Variants in HAS1 observed in about 807,000 individuals in gnomAD.
The protein encoded by HAS1 is HA synthase 1.
In HAS1, 27 loss-of-function variants were observed where a neutral mutation model predicts 35.0. The ratio of observed to expected loss-of-function variants is 0.77; its 90% CI spans 0.57 to 1.06. The LOEUF (loss-of-function observed/expected upper bound fraction) is 1.06, where lower values mean the gene tolerates loss of function less well. HAS1 is among the 50% of genes least tolerant of loss of function. The pLI is 0.00. For missense variants in HAS1, 940 were observed against 814.8 expected, an observed-to-expected ratio of 1.15 and a Z score of -1.87; for synonymous variants, 409 against 371.2, an observed-to-expected ratio of 1.10 and a Z score of -1.17.
At position 51,719,317 on chromosome 19, in the gene HAS1, C is replaced by A; in HGVS notation, c.588G>T (p.Glu196Asp). 2 of 1,612,732 alleles carry A rather than the reference C, an allele frequency of 1.2e-6. No homozygotes were observed. The highest frequency in any genetic ancestry group is 1.7e-6 in the Non-Finnish European group (2 of 1,179,464). ...EAEDPGRLAV[E>D]ALVRTRRCVC... ...CGCACCTGCGAGTCCTCACCAGCGC[C>A]TCCACTGCCAGCCGCCCAGGATCCT... The change falls in exon 2 of 5, where the codon GAG (glutamate) becomes GAT (aspartate). Residue 196 changes from glutamate to aspartate, a missense_variant. Physicochemically the swap from Glu to Asp is conservative, Grantham distance 45. Transcript: ENST00000540069.
At chr19:51,715,671 G>A (rs2083581628) in intron 4 of HAS1, among the ~76,000 whole-genome samples, 1 of 152,134 alleles carries the variant, frequency 6.6e-6, no homozygotes, top group Non-Finnish European at 1.5e-5. Flanking sequence ...TTTCCTCTGG[G>A]TATTTCAGTG....
Position 51,723,144 on chromosome 19 carries a change from C to T in HAS1, c.9+781G>A, listed in dbSNP as rs376617216. On this transcript the variant is annotated intron_variant, in intron 1 of 4. Transcript: ENST00000540069. ...ACACGTGTAGACACACTCCCCCACACGTGAACTCACACATGATGAGTGACA... is the reference window on the plus strand; with the variant it reads ...ACACGTGTAGACACACTCCCCCACATGTGAACTCACACATGATGAGTGACA... Among the ~76,000 whole-genome samples the T allele has an allele frequency of 7.9e-4, 121 of 152,308 alleles. 1 individual carries two copies. The highest frequency in any genetic ancestry group is 3.4e-3 in the Middle Eastern group (1 of 294).
intron 2 of HAS1, 31 bp from the exon 3 acceptor site, chr19:51,717,224 A>G (rs755419568): frequency 1.4e-6 from 2 of 1,439,778 alleles, no homozygotes; most frequent in Admixed American, 1.7e-5. Flanking sequence ...GGATCAGCAC[A>G]GACCCCTGCA....
At position 51,719,367 on chromosome 19, in the gene HAS1, C is replaced by T. The variant is rs1429544334; in HGVS notation, c.538G>A (p.Gly180Arg). 5 of 1,596,252 alleles carry T rather than the reference C, an allele frequency of 3.1e-6. No homozygotes were observed. Among genetic ancestry groups the T allele is most frequent in the South Asian group, 1.1e-5 (1 of 89,440 alleles). Residue 180 changes from glycine (G) to arginine (R), a missense_variant, in exon 2 of 5, where the codon GGA becomes AGA. Gly to Arg is a moderately radical substitution (Grantham distance 125). Coordinates refer to ENST00000540069, the MANE Select transcript of HAS1 (RefSeq NM_001297436.2). ...TCCGCCTCCACCTCCCGATAGGCTC[C>T]GGCGCCCACCGCGCCCGCCGCCGCG... ...EPAAAGAVGAGAYREVEAEDP... is the reference protein window; with the variant it reads ...EPAAAGAVGARAYREVEAEDP...
At chr19:51,723,800 G>T in intron 1 of HAS1, 125 bp downstream of exon 1, 1 of 928,328 alleles carries the variant, frequency 1.1e-6, no homozygotes, top group South Asian at 1.7e-5. Context: ...TCAGGCACAT[G>T]GATACACACA....
At position 51,713,366 on chromosome 19, in the gene HAS1, C is replaced by T. The variant is rs1599788922; in HGVS notation, c.*61G>A. ...CACCCAGCAAGTTCGTGGCTCGGGG[C>T]CCAGCAGCTCTCCTCTGGCCTCCCC... On this transcript the variant is annotated 3_prime_UTR_variant, in exon 5 of 5. Transcript: ENST00000540069. The surrounding 1 kb of genome is among the most constrained non-coding windows in gnomAD (Gnocchi z 4.5). 6 of 1,406,472 alleles carry T rather than the reference C, an allele frequency of 4.3e-6. No homozygotes were observed. In the East Asian group the frequency reaches 1.3e-4, roughly 31 times the overall value. 87.1% of individuals were successfully genotyped at this position (1,406,472 alleles called of 1,614,324 possible).
At position 51,713,675 on chromosome 19, in the gene HAS1, C is replaced by A; in HGVS notation, c.1486G>T (p.Ala496Ser). Residue 496 changes from alanine to serine, a missense_variant, in exon 5 of 5, where the codon GCC (alanine) becomes TCC (serine). By Grantham distance (99) the Ala-to-Ser change is moderately conservative (BLOSUM62 1). Transcript: ENST00000540069. The surrounding 1 kb of genome is among the most constrained non-coding windows in gnomAD (Gnocchi z 4.5). ...GWGTSGRRKL[A>S]ANYVPLLPLA... ...GGCAGCAGAGGGACGTAGTTAGCGGCCAGCTTCCGCCGGCCCGAGGTGCCC... is the reference window on the plus strand; with the variant it reads ...GGCAGCAGAGGGACGTAGTTAGCGGACAGCTTCCGCCGGCCCGAGGTGCCC... 6.3e-7 allele frequency: 1 copy of A among 1,585,120 alleles called. No homozygotes were observed. The highest frequency in any genetic ancestry group is 1.8e-5 in the Admixed American group (1 of 55,774).
At chr19:51,716,702 T>G (rs910276358) in intron 3 of HAS1, among the ~76,000 whole-genome samples, 2 of 152,038 alleles carry the variant, frequency 1.3e-5, no homozygotes, top group South Asian at 4.1e-4. Context: ...GCTCCAACTC[T>G]GTCTTTGACT....
intron 1 of HAS1, among the ~76,000 whole-genome samples, chr19:51,721,204 G>A (rs982301956): frequency 6.6e-6 from 1 of 152,056 alleles, no homozygotes; most frequent in Non-Finnish European, 1.5e-5. Context: ...AGCCCTGGGG[G>A]ACAGATAGTG....
chr19:51,720,529 G>A (rs573250339), intron 1 of HAS1, among the ~76,000 whole-genome samples: 2 of 152,076 alleles, frequency 1.3e-5, no homozygotes, highest in Admixed American at 1.3e-4. Flanking sequence ...GTCTTGCTCT[G>A]TCGCCCAGGC....
chr19:51,719,749 G>A lies in HAS1; in HGVS notation c.156C>T (p.Leu52=). ...GVPLASDRYG[L]LAFGLYGAFL... is the part of the protein sequence containing the mutation. ...AGGCCCCGTAGAGGCCGAAGGCCAGGAGGCCGTAGCGATCGGAGGCCAGCG... is the reference window on the plus strand; with the variant it reads ...AGGCCCCGTAGAGGCCGAAGGCCAGAAGGCCGTAGCGATCGGAGGCCAGCG... Residue 52 remains leucine, a synonymous_variant, in exon 2 of 5, where the codon CTC becomes CTT. Coordinates refer to ENST00000540069, the MANE Select transcript of HAS1 (RefSeq NM_001297436.2). 6.4e-7 allele frequency: 1 copy of A among 1,567,422 alleles called. No homozygotes were observed. Among genetic ancestry groups the A allele is most frequent in the South Asian group, 1.2e-5 (1 of 85,854 alleles).
At chr19:51,722,349 T>C (rs2083637104) in intron 1 of HAS1, among the ~76,000 whole-genome samples, 1 of 152,236 alleles carries the variant, frequency 6.6e-6, no homozygotes, top group Non-Finnish European at 1.5e-5. Context: ...GTAAATCTTA[T>C]AAAATCTAAA....
chr19:51,720,089 T>TCTCTC, intron 1 of HAS1, 194 bp from the exon 2 acceptor site: 1 of 532,426 alleles, frequency 1.9e-6, no homozygotes, highest in Non-Finnish European at 3.3e-6. Flanking sequence ...TCTCTCTCTC[T>TCTCTC]CTCGCTCTCG....
At chr19:51,718,868 A>G (rs567864961) in intron 2 of HAS1, among the ~76,000 whole-genome samples, 50 of 152,328 alleles carry the variant, frequency 3.3e-4, no homozygotes, top group African/African-American at 1.2e-3. Context: ...TGAATGAACA[A>G]ATGAATCTCT....
chr19:51,719,379 C>T lies in HAS1; in HGVS notation c.526G>A (p.Ala176Thr), dbSNP rs554437003. 5.1e-6 allele frequency: 8 copies of T among 1,583,872 alleles called. No homozygotes were observed. In the African/African-American group the frequency reaches 8.1e-5, roughly 16 times the overall value. The change falls in exon 2 of 5, where the codon GCG (alanine) becomes ACG (threonine). Residue 176 changes from alanine to threonine, a missense_variant. Coordinates refer to ENST00000540069, the MANE Select transcript of HAS1 (RefSeq NM_001297436.2). ...TCCCGATAGGCTCCGGCGCCCACCG[C>T]GCCCGCCGCCGCGGGTTCCCAGGGC... ...HQPWEPAAAG[A>T]VGAGAYREVE...
chr19:51,719,214 A>T lies in HAS1; in HGVS notation c.691T>A (p.Tyr231Asn). The T allele has an allele frequency of 6.4e-7, 1 of 1,564,042 alleles. No individual in the cohort carries two copies. The highest frequency in any genetic ancestry group is 8.7e-7 in the Non-Finnish European group (1 of 1,153,602). ...AAGGCGCCTCTACTCACCTGCACGT[A>T]GTCCACCGAATCTCCGAGCGCCTTG... is the stretch of plus-strand genomic sequence containing the variant. ...AFKALGDSVD[Y>N]VQVCDSDTRL... The change falls in exon 2 of 5, where the codon TAC becomes AAC. Residue 231 changes from tyrosine (Y) to asparagine (N), a missense_variant. By Grantham distance (143) the Tyr-to-Asn change is moderately radical. Coordinates refer to ENST00000540069, the MANE Select transcript of HAS1 (RefSeq NM_001297436.2).
At chr19:51,718,945 C>T (rs1295996223) in intron 2 of HAS1, among the ~76,000 whole-genome samples, 1 of 151,782 alleles carries the variant, frequency 6.6e-6, no homozygotes, top group Non-Finnish European at 1.5e-5. Flanking sequence ...TCCTGGAATG[C>T]GTAGGTGAAT....
At position 51,719,876 on chromosome 19, in the gene HAS1, G is replaced by A. The variant is rs1387446571; in HGVS notation, c.29C>T (p.Pro10Leu). MRQDAPKPT[P>L]AACRCSGLAR... The stretch of plus-strand genomic sequence containing the variant: ...CAGGCCGGAGCAGCGGCAGGCTGCA[G>A]GAGTGGGCTTGGGCGCGTCCTGCTG... Residue 10 changes from proline (P) to leucine (L), a missense_variant, in exon 2 of 5, where the codon CCT becomes CTT. Transcript: ENST00000540069. 5.2e-6 allele frequency: 8 copies of A among 1,538,546 alleles called. No individual in the cohort carries two copies. Among genetic ancestry groups the A allele is most frequent in the Non-Finnish European group, 6.1e-6 (7 of 1,147,150 alleles).
At position 51,714,523 on chromosome 19, in the gene HAS1, TAAAAAAAAAAAA is replaced by T. The variant is rs1192483861; in HGVS notation, c.1059-433_1059-422del. 1.2e-4 allele frequency among the ~76,000 whole-genome samples: 10 copies of T among 85,850 alleles called. No individual in the cohort carries two copies. The East Asian group carries it at 2.2e-3, about 19-fold the overall frequency. The allele number at this position is 85,850 out of a possible 152,430, so 56.3% of individuals were successfully genotyped here. ...AGGCAACATAGTGAGACCCCATCTC[TAAAAAAAAAAAA>T]AAAAAAAAAAAATTAGCCGGGCGTG... On this transcript the variant is annotated intron_variant, in intron 4 of 4. Transcript: ENST00000540069.
Sources: gnomAD v4.1 joint callset for allele counts (sites outside exome capture counted in the v4.1 genomes callset) on GRCh38, gnomAD v4.1.1 for gene constraint, Gnocchi (gnomAD v3.1) non-coding constraint, MANE v1.5 for transcripts, NCBI Gene and HGNC (gene_info 2026-07-23, HGNC 2026-07-21) for gene names.